Variants in STARD6 observed in about 807,000 individuals in gnomAD.
STARD6 encodes stAR-related lipid transfer protein 6.
STARD6 carries 21 observed loss-of-function variants against 22.3 expected under a neutral mutation model. The ratio of observed to expected loss-of-function variants is 0.94; its 90% CI spans 0.67 to 1.35. The LOEUF is 1.35. Ranked by LOEUF, STARD6 falls within the 40% of genes most tolerant of loss-of-function variation. STARD6 has a pLI of 0.00. For missense variants in STARD6, 269 were observed against 266.9 expected, an observed-to-expected ratio of 1.01 and a Z score of -0.05; for synonymous variants, 80 against 88.1, an observed-to-expected ratio of 0.91 and a Z score of 0.52.
At chr18:54,351,911 T>C (rs1439290480) in intron 4 of STARD6, among the ~76,000 whole-genome samples, 4 of 149,658 alleles carry the variant, frequency 2.7e-5, no homozygotes. Context: ...TTTTTTTTTT[T>C]TTTTTTTTTT....
At chr18:54,333,469 G>C (rs894487259) in intron 5 of STARD6, among the ~76,000 whole-genome samples, 1 of 152,092 alleles carries the variant, frequency 6.6e-6, no homozygotes, top group Non-Finnish European at 1.5e-5. Context: ...AATATCTGAA[G>C]TGCTAATCAA....
intron 7 of STARD6, among the ~76,000 whole-genome samples, chr18:54,327,646 A>T (rs898069391): frequency 6.6e-6 from 1 of 152,192 alleles, no homozygotes; most frequent in Non-Finnish European, 1.5e-5. Context: ...ACTTTTCATC[A>T]ACGTAATTTA....
intron 2 of STARD6, chr18:54,355,732 G>A (rs533521736): frequency 1.3e-5 from 2 of 152,340 alleles, no homozygotes; most frequent in Admixed American, 6.5e-5. Context: ...CACTGTGGTA[G>A]ATGTAGCAAC....
At chr18:54,347,769 G>A (rs748380968) in intron 4 of STARD6, among the ~76,000 whole-genome samples, 2 of 152,062 alleles carry the variant, frequency 1.3e-5, no homozygotes, top group Non-Finnish European at 2.9e-5. Context: ...ATCCTGAGCT[G>A]TTAGAACTCT....
At chr18:54,350,695 A>C (rs996491035) in intron 4 of STARD6, among the ~76,000 whole-genome samples, 4 of 152,116 alleles carry the variant, frequency 2.6e-5, no homozygotes. Flanking sequence ...TCATTCTTCT[A>C]CATGTAGCTT....
At chr18:54,353,320 T>C (rs998141482) in intron 4 of STARD6, among the ~76,000 whole-genome samples, 3 of 152,182 alleles carry the variant, frequency 2.0e-5, no homozygotes, top group African/African-American at 7.2e-5. Context: ...TTTGAAATAA[T>C]TTTATCCTTA....
intron 5 of STARD6, among the ~76,000 whole-genome samples, chr18:54,333,401 A>T (rs1255630931): frequency 6.6e-6 from 1 of 152,212 alleles, no homozygotes; most frequent in African/African-American, 2.4e-5. Flanking sequence ...GTGAGCCGAG[A>T]TTGTGCCACT....
chr18:54,339,586 TGAA>T (rs1432013325), intron 4 of STARD6, among the ~76,000 whole-genome samples: 1 of 151,626 alleles, frequency 6.6e-6, no homozygotes, highest in Non-Finnish European at 1.5e-5. Context: ...TTTGAAGAGC[TGAA>T]GAAAAAAAGC....
intron 5 of STARD6, among the ~76,000 whole-genome samples, chr18:54,333,820 C>T (rs1247735567): frequency 1.3e-5 from 2 of 151,996 alleles, no homozygotes; most frequent in Admixed American, 6.5e-5. Context: ...TATTTATTTA[C>T]TTATTTTTGT....
At chr18:54,341,763 A>T (rs2088971236) in intron 4 of STARD6, among the ~76,000 whole-genome samples, 1 of 152,210 alleles carries the variant, frequency 6.6e-6, no homozygotes, top group South Asian at 2.1e-4. Context: ...GGGATGCTGC[A>T]AAAGCAGTGC....
chr18:54,334,172 C>A (rs1465774372), intron 5 of STARD6, among the ~76,000 whole-genome samples: 1 of 152,194 alleles, frequency 6.6e-6, no homozygotes, highest in Admixed American at 6.5e-5. Context: ...CCTATTGACT[C>A]TATATATCTT....
At chr18:54,353,198 A>AT (rs1237231210) in intron 4 of STARD6, among the ~76,000 whole-genome samples, 3 of 152,204 alleles carry the variant, frequency 2.0e-5, no homozygotes, top group Non-Finnish European at 2.9e-5. Context: ...AAGAAAAGGA[A>AT]TTGAATAAAA....
chr18:54,331,705 A>G, intron 6 of STARD6, 37 bp downstream of exon 6: 1 of 1,358,856 alleles, frequency 7.4e-7, no homozygotes. Context: ...AATGGCTCGC[A>G]GTAATTCCAA....
At chr18:54,346,377 T>C (rs1015570574) in intron 4 of STARD6, among the ~76,000 whole-genome samples, 3 of 152,042 alleles carry the variant, frequency 2.0e-5, no homozygotes, top group Non-Finnish European at 2.9e-5. Flanking sequence ...CATACCCAAC[T>C]AGGATAGCTA....
At chr18:54,332,565 C>T (rs1048982755) in intron 5 of STARD6, among the ~76,000 whole-genome samples, 1 of 152,232 alleles carries the variant, frequency 6.6e-6, no homozygotes, top group South Asian at 2.1e-4. Context: ...CCTAGGTGTT[C>T]ACCCTGTTCC....
At chr18:54,346,646 T>A (rs932450619) in intron 4 of STARD6, among the ~76,000 whole-genome samples, 2 of 152,124 alleles carry the variant, frequency 1.3e-5, no homozygotes, top group East Asian at 1.9e-4. Context: ...ACCTAAAAGA[T>A]AGAAACTAAG....
intron 4 of STARD6, among the ~76,000 whole-genome samples, chr18:54,348,429 C>T (rs757707104): frequency 6.6e-6 from 1 of 152,044 alleles, no homozygotes; most frequent in Non-Finnish European, 1.5e-5. Flanking sequence ...TTCATTATTC[C>T]ACAGATACAT....
chr18:54,349,670 T>C (rs987424311), intron 4 of STARD6, among the ~76,000 whole-genome samples: 3 of 152,158 alleles, frequency 2.0e-5, no homozygotes, highest in African/African-American at 4.8e-5. Context: ...ACCCTTTCCC[T>C]GGAGTCCACA....
In STARD6 at chr18:54,324,671, G is replaced by A. The variant is rs747757911; in HGVS notation, c.*21C>T. On this transcript the variant is annotated 3_prime_UTR_variant, in exon 8 of 8. Coordinates refer to ENST00000307844, the MANE Select transcript of STARD6 (RefSeq NM_139171.2). ...CTACACATGATTTTATAGCAGAACG[G>A]CCTCATTTCTTCTTTTGGTATCATG... is the stretch of plus-strand genomic sequence containing the variant. The A allele has an allele frequency of 1.2e-6, 2 of 1,608,360 alleles. No individual in the cohort carries two copies. The highest frequency in any genetic ancestry group is 1.7e-6 in the Non-Finnish European group (2 of 1,177,134).
Sources: gnomAD v4.1 joint callset for allele counts (sites outside exome capture counted in the v4.1 genomes callset) on GRCh38, gnomAD v4.1.1 for gene constraint, MANE v1.5 for transcripts, NCBI Gene and HGNC (gene_info 2026-07-23, HGNC 2026-07-21) for gene names.